Variants in PTPRD observed in about 807,000 individuals in gnomAD.
PTPRD encodes protein tyrosine phosphatase receptor type D, also known as receptor-type tyrosine-protein phosphatase delta.
A neutral mutation model predicts 214.5 loss-of-function variants in PTPRD; 34 were observed. That is an observed-to-expected ratio of 0.16 (90% CI 0.12 to 0.21). PTPRD has a LOEUF of 0.21. Among genes scored for constraint, PTPRD ranks in the 10% least tolerant of loss-of-function variants. PTPRD has a pLI of 1.00. For synonymous variants in PTPRD, 1,128 were observed against 845.7 expected, an observed-to-expected ratio of 1.33 and a Z score of -5.79; for missense variants, 2,545 against 2,398.7, an observed-to-expected ratio of 1.06 and a Z score of -1.27.
intron 3 of PTPRD, among the ~76,000 whole-genome samples, chr9:10,036,422 T>A (rs956834996): frequency 4.6e-5 from 7 of 151,686 alleles, no homozygotes; most frequent in Non-Finnish European, 8.8e-5. Flanking sequence ...AGCATCATAC[T>A]CAGATCATAG....
chr9:9,082,660 TC>T (rs1006685540), intron 10 of PTPRD, among the ~76,000 whole-genome samples: 43 of 152,112 alleles, frequency 2.8e-4, no homozygotes, highest in African/African-American at 1.0e-3. Flanking sequence ...CCCCATCGTA[TC>T]AGCCCCAAAT....
chr9:8,790,508 C>A (rs2096186119), intron 11 of PTPRD, among the ~76,000 whole-genome samples: 1 of 151,906 alleles, frequency 6.6e-6, no homozygotes, highest in South Asian at 2.1e-4. Flanking sequence ...ACCGCCGCCT[C>A]CCAGGTTCAA....
chr9:9,545,441 T>C (rs549143531), intron 8 of PTPRD, among the ~76,000 whole-genome samples: 1 of 152,012 alleles, frequency 6.6e-6, no homozygotes, highest in African/African-American at 2.4e-5. Context: ...CATAGTAATA[T>C]GCATTTAAGA....
chr9:9,701,135 G>T (rs755625835), intron 7 of PTPRD, among the ~76,000 whole-genome samples: 25 of 152,058 alleles, frequency 1.6e-4, no homozygotes, highest in Non-Finnish European at 2.5e-4. Context: ...GGCATTGAGA[G>T]ATGTGTATAA....
chr9:10,597,057 T>A (rs1196880837), intron 2 of PTPRD, among the ~76,000 whole-genome samples: 2 of 150,542 alleles, frequency 1.3e-5, no homozygotes, highest in East Asian at 3.9e-4. Flanking sequence ...GTTATAGTCT[T>A]GGATTTATTT....
At position 8,873,688 on chromosome 9, in the gene PTPRD, A is replaced by C. The variant is rs538889069; in HGVS notation, c.-103-139742T>G. 2.0e-5 allele frequency among the ~76,000 whole-genome samples: 3 copies of C among 152,230 alleles called. No individual in the cohort carries two copies. The South Asian group carries it at 6.2e-4, about 32-fold the overall frequency. On this transcript the variant is annotated intron_variant, in intron 11 of 45. Transcript: ENST00000381196. ...CTTTAATCAATAGTGACAAAAAGAG[A>C]GTTTCTTTATTATGTAAGTGGTTGA...
chr9:9,209,691 G>T (rs2099947284), intron 9 of PTPRD, among the ~76,000 whole-genome samples: 2 of 152,120 alleles, frequency 1.3e-5, no homozygotes, highest in African/African-American at 2.4e-5. Flanking sequence ...GTTGAAGTGG[G>T]TGATGGCCTC....
At chr9:9,313,406 T>A (rs1258819084) in intron 9 of PTPRD, among the ~76,000 whole-genome samples, 1 of 152,160 alleles carries the variant, frequency 6.6e-6, no homozygotes. Context: ...TTGTCTTGAG[T>A]TCACCTGGAA....
chr9:8,930,381 T>C (rs567080969), intron 11 of PTPRD, among the ~76,000 whole-genome samples: 288 of 152,266 alleles, frequency 1.9e-3, no homozygotes, highest in African/African-American at 6.6e-3. Flanking sequence ...TCTGGGTTGG[T>C]TCCAAGTCTT....
intron 21 of PTPRD, among the ~76,000 whole-genome samples, chr9:8,514,251 T>C (rs2097741351): frequency 6.6e-6 from 1 of 152,186 alleles, no homozygotes; most frequent in Non-Finnish European, 1.5e-5. Flanking sequence ...TCAGGGTTTT[T>C]CATTTAGCAT....
chr9:8,894,487 A>G (rs1380110208), intron 11 of PTPRD, among the ~76,000 whole-genome samples: 1 of 150,382 alleles, frequency 6.6e-6, no homozygotes, highest in African/African-American at 2.4e-5. Flanking sequence ...ACAAAAGTCC[A>G]TGTATCCTGA....
At chr9:9,823,157 G>C (rs902551759) in intron 5 of PTPRD, among the ~76,000 whole-genome samples, 1 of 152,014 alleles carries the variant, frequency 6.6e-6, no homozygotes, top group Non-Finnish European at 1.5e-5. Flanking sequence ...AAATACCTGA[G>C]ACTGGGTAAT....
intron 12 of PTPRD, among the ~76,000 whole-genome samples, chr9:8,652,489 C>A (rs951987824): frequency 6.6e-6 from 1 of 152,194 alleles, no homozygotes; most frequent in Non-Finnish European, 1.5e-5. Flanking sequence ...GATACCCAAG[C>A]CTCTTGCCAG....
chr9:9,372,878 G>A (rs1049507497), intron 9 of PTPRD, among the ~76,000 whole-genome samples: 1 of 151,978 alleles, frequency 6.6e-6, no homozygotes. Context: ...ATGAAGCTTA[G>A]TTTGGCTGGA....
intron 6 of PTPRD, among the ~76,000 whole-genome samples, chr9:9,761,227 T>C (rs1352295142): frequency 6.6e-6 from 1 of 152,212 alleles, no homozygotes; most frequent in Non-Finnish European, 1.5e-5. Context: ...GAACAAACTA[T>C]TGATACATGC....
chr9:9,483,961 G>T (rs1436079184), intron 8 of PTPRD, among the ~76,000 whole-genome samples: 1 of 151,062 alleles, frequency 6.6e-6, no homozygotes, highest in African/African-American at 2.4e-5. Context: ...CTACCTACAG[G>T]TTTTCTGTGC....
intron 14 of PTPRD, among the ~76,000 whole-genome samples, chr9:8,560,440 TACACAC>T (rs71317370): frequency 2.0e-3 from 281 of 143,408 alleles, no homozygotes; most frequent in Admixed American, 5.7e-3. Flanking sequence ...AAAAAATACA[TACACAC>T]ACACACACAC....
At chr9:8,772,177 G>A (rs865810458) in intron 11 of PTPRD, among the ~76,000 whole-genome samples, 1 of 151,906 alleles carries the variant, frequency 6.6e-6, no homozygotes, top group Non-Finnish European at 1.5e-5. Flanking sequence ...TTTGAGGCCA[G>A]AACTCTTTTA....
intron 8 of PTPRD, among the ~76,000 whole-genome samples, chr9:9,508,015 T>A (rs1020317974): frequency 6.6e-6 from 1 of 151,568 alleles, no homozygotes; most frequent in Admixed American, 6.6e-5. Context: ...CTATCACACA[T>A]AAAATTCTCA....
Sources: allele counts gnomAD v4.1 joint callset (sites outside exome capture counted in the v4.1 genomes callset), GRCh38; gene constraint gnomAD v4.1.1; transcripts MANE v1.5; gene names NCBI Gene and HGNC (gene_info 2026-07-23, HGNC 2026-07-21).